RS1: variants seen among roughly 807,000 people sequenced by gnomAD.
The protein encoded by RS1 is retinoschisin 1.
A neutral mutation model predicts 20.8 loss-of-function variants in RS1; 2 were observed. The ratio of observed to expected loss-of-function variants is 0.10; its 90% CI spans 0.04 to 0.30. RS1 has a LOEUF of 0.30. Ranked by LOEUF, RS1 falls within the 10% of genes least tolerant of loss-of-function variation. The pLI is 1.00. For synonymous variants in RS1, 70 were observed against 75.8 expected, an observed-to-expected ratio of 0.92 and a Z score of 0.40; for missense variants, 151 against 189.8, an observed-to-expected ratio of 0.80 and a Z score of 1.20.
At chrX:18,649,083 T>A (rs912010613) in intron 3 of RS1, among the ~76,000 whole-genome samples, 30 of 109,562 alleles carry the variant, frequency 2.7e-4, no homozygotes, top group Non-Finnish European at 1.9e-5. Context: ...ACCTTAGCCT[T>A]GATAACCTTA....
chrX:18,661,772 C>T (rs1419674018), intron 1 of RS1, among the ~76,000 whole-genome samples: 6 of 112,117 alleles, frequency 5.4e-5, no homozygotes, highest in African/African-American at 9.7e-5. Context: ...TGCGCTCTTC[C>T]GCCGGCGCAC....
chrX:18,651,602 C>A (rs1928052516), intron 3 of RS1, among the ~76,000 whole-genome samples: 1 of 111,185 alleles, frequency 9.0e-6, no homozygotes, highest in Admixed American at 9.5e-5. Context: ...CATGAGACGT[C>A]TGCCTTCCAA....
intron 3 of RS1, chrX:18,650,120 C>A: frequency 2.6e-6 from 1 of 378,700 alleles, no homozygotes; most frequent in East Asian, 4.7e-5. Flanking sequence ...ATCTCTTTTG[C>A]CATTTCTTCC....
intron 5 of RS1, 112 bp downstream of exon 5, chrX:18,644,318 A>C: frequency 1.5e-6 from 1 of 669,552 alleles, no homozygotes; most frequent in Non-Finnish European, 2.5e-6. Context: ...CAGATGATCC[A>C]CTGTGCTGTG....
intron 1 of RS1, among the ~76,000 whole-genome samples, chrX:18,668,146 G>T (rs1360981084): frequency 4.5e-5 from 5 of 112,154 alleles, no homozygotes; most frequent in African/African-American, 1.6e-4. Flanking sequence ...CGATTATGTG[G>T]TTGCATATTT....
chrX:18,645,489 C>T (rs1260983449), intron 4 of RS1, among the ~76,000 whole-genome samples: 1 of 109,930 alleles, frequency 9.1e-6, no homozygotes, highest in East Asian at 2.9e-4. Flanking sequence ...CCCATCCTTG[C>T]ATGTGTCCAT....
At position 18,653,510 on chromosome X, in the gene RS1, C is replaced by A. The variant is rs757994307; in HGVS notation, c.184+3143G>T. ...CAGGTAAACCAAGCTGCGCTCCTGA[C>A]ATACCATGAGAATGCGGCACTGACG... On this transcript the variant is annotated intron_variant, in intron 3 of 5. Transcript: ENST00000379984. 8.3e-6 allele frequency: 10 copies of A among 1,212,089 alleles called. 1 individual carries two copies. In the Admixed American group the frequency reaches 2.2e-4, roughly 26 times the overall value.
intron 1 of RS1, among the ~76,000 whole-genome samples, chrX:18,662,629 CTT>C (rs765805571): frequency 5.1e-5 from 5 of 98,655 alleles, no homozygotes; most frequent in Non-Finnish European, 6.2e-5. Flanking sequence ...TGAACTCATC[CTT>C]TTTTTTTTTT....
At chrX:18,653,320 C>T in intron 3 of RS1, 5 of 1,145,966 alleles carry the variant, frequency 4.4e-6, no homozygotes, top group Non-Finnish European at 5.8e-6. Flanking sequence ...GATTAGGAGG[C>T]CAGAATGCAT....
chrX:18,663,336 CTTTTTTTTTT>C (rs56314934), intron 1 of RS1, among the ~76,000 whole-genome samples: 1 of 28,291 alleles, frequency 3.5e-5, no homozygotes, highest in African/African-American at 1.2e-4. Flanking sequence ...CTGTGCCTGG[CTTTTTTTTTT>C]TTTTTTTTTT....
chrX:18,650,744 T>C, intron 3 of RS1: 1 of 682,230 alleles, frequency 1.5e-6, no homozygotes, highest in Non-Finnish European at 2.2e-6. Flanking sequence ...GTGATTGTAA[T>C]GGGCAGTCAA....
chrX:18,646,711 C>G (rs1359396546), intron 4 of RS1, among the ~76,000 whole-genome samples: 1 of 111,162 alleles, frequency 9.0e-6, no homozygotes, highest in Non-Finnish European at 1.9e-5. Context: ...CATCCACACC[C>G]TGGAGGTATC....
rs143868987 is a variant in RS1, at chrX:18,651,532, G to A, written c.185-4200C>T. On this transcript the variant is annotated intron_variant, in intron 3 of 5. Transcript: ENST00000379984. ...CTTGGGAGCCCTAAGCTCTGGGCACGCTCAGAAAACTTGGGAAGGTCCCTC... is the reference window on the plus strand; with the variant it reads ...CTTGGGAGCCCTAAGCTCTGGGCACACTCAGAAAACTTGGGAAGGTCCCTC... Among the ~76,000 whole-genome samples the A allele has an allele frequency of 7.5e-3, 830 of 111,023 alleles. 13 individuals are homozygous for A. Among genetic ancestry groups the A allele is most frequent in the African/African-American group, 0.025 (748 of 30,496 alleles).
chrX:18,662,667 G>A lies in RS1; in HGVS notation c.53-5002C>T, dbSNP rs750830246. Among the ~76,000 whole-genome samples, 12 of 100,526 alleles carry A rather than the reference G, an allele frequency of 1.2e-4. No individual in the cohort carries two copies. The East Asian group carries it at 3.7e-3, about 31-fold the overall frequency. The allele number at this position is 100,526 out of a possible 115,157, so 87.3% of individuals were successfully genotyped here. ...TTTTGAGATGGAGTCTCGCTCTGTCGCCCAGGCTGGAGTGCAGTGGCGCGA... is the reference window on the plus strand; with the variant it reads ...TTTTGAGATGGAGTCTCGCTCTGTCACCCAGGCTGGAGTGCAGTGGCGCGA... On this transcript the variant is annotated intron_variant, in intron 1 of 5. Coordinates refer to ENST00000379984, the MANE Select transcript of RS1 (RefSeq NM_000330.4).
At chrX:18,648,683 C>T (rs932176336) in intron 3 of RS1, among the ~76,000 whole-genome samples, 1 of 112,112 alleles carries the variant, frequency 8.9e-6, no homozygotes, top group African/African-American at 3.2e-5. Flanking sequence ...ATAAAGACTG[C>T]CTGCTGGGAT....
At chrX:18,655,284 C>G (rs1323313035) in intron 3 of RS1, among the ~76,000 whole-genome samples, 1 of 112,203 alleles carries the variant, frequency 8.9e-6, no homozygotes, top group Non-Finnish European at 1.9e-5. Flanking sequence ...ACATCTGGCC[C>G]TCTGCTTGTT....
chrX:18,657,560 A>C (rs762118391), intron 2 of RS1, 80 bp downstream of exon 2: 33 of 742,097 alleles, frequency 4.4e-5, no homozygotes, highest in Non-Finnish European at 2.1e-6. Context: ...ACAAAGTGAT[A>C]GTCCTCTATG....
chrX:18,651,260 TGTGTGAGA>T (rs1298339055), intron 3 of RS1, among the ~76,000 whole-genome samples: 10 of 81,590 alleles, frequency 1.2e-4, no homozygotes, highest in African/African-American at 4.1e-4. Flanking sequence ...TGTGTGTGTG[TGTGTGAGA>T]GAGAGAGAGA....
At chrX:18,656,238 C>T (rs1466531172) in intron 3 of RS1, among the ~76,000 whole-genome samples, 5 of 111,580 alleles carry the variant, frequency 4.5e-5, no homozygotes, top group African/African-American at 6.5e-5. Context: ...GCAGTCCACC[C>T]GCCTCAGTCT....
Sources: allele counts gnomAD v4.1 joint callset (sites outside exome capture counted in the v4.1 genomes callset), GRCh38; gene constraint gnomAD v4.1.1; transcripts MANE v1.5; gene names NCBI Gene and HGNC (gene_info 2026-07-23, HGNC 2026-07-21).